GATB: variants seen among roughly 807,000 people sequenced by gnomAD.
GATB encodes the protein glutamyl-tRNA(Gln) amidotransferase subunit B, mitochondrial.
Under a neutral mutation model 62.3 loss-of-function variants are expected in GATB, and 39 were observed. The observed-to-expected ratio is 0.63, with a 90% CI of 0.48 to 0.82. GATB has a LOEUF of 0.82. GATB is among the 40% of genes least tolerant of loss of function. The pLI, the probability that GATB is intolerant of heterozygous loss-of-function variation, is 0.00. For missense variants in GATB, 670 were observed against 684.0 expected, an observed-to-expected ratio of 0.98 and a Z score of 0.23; for synonymous variants, 276 against 258.9, an observed-to-expected ratio of 1.07 and a Z score of -0.63.
At chr4:151,721,880 CACAAGCGCA>C (rs1739038710) in intron 2 of GATB, 1 of 350,186 alleles carries the variant, frequency 2.9e-6, no homozygotes, top group Admixed American at 4.8e-5. Flanking sequence ...TCCGTGTGCA[CACAAGCGCA>C]CGGGCACTTC....
chr4:151,717,170 C>T, intron 3 of GATB, 96 bp from the exon 4 acceptor site: 2 of 1,178,788 alleles, frequency 1.7e-6, no homozygotes, highest in Non-Finnish European at 2.5e-6. Flanking sequence ...CAACGACAGG[C>T]CTACTTAAAG....
chr4:151,684,232 G>A (rs375277081), intron 10 of GATB, among the ~76,000 whole-genome samples: 1 of 152,224 alleles, frequency 6.6e-6, no homozygotes, highest in Non-Finnish European at 1.5e-5. Flanking sequence ...CACTCAACTG[G>A]CTTGGACAGC....
At chr4:151,681,616 G>A (rs1190666861) in intron 10 of GATB, among the ~76,000 whole-genome samples, 4 of 152,182 alleles carry the variant, frequency 2.6e-5, no homozygotes, top group South Asian at 4.1e-4. Flanking sequence ...TTTCTTGAGC[G>A]TGCAAAAGAT....
chr4:151,703,506 T>C (rs1296913897), intron 8 of GATB: 1 of 301,236 alleles, frequency 3.3e-6, no homozygotes, highest in Non-Finnish European at 6.2e-6. Context: ...AGCGTATTAC[T>C]GAATCAGTTA....
chr4:151,725,206 A>G (rs148013816), intron 2 of GATB, among the ~76,000 whole-genome samples: 2 of 152,348 alleles, frequency 1.3e-5, no homozygotes, highest in African/African-American at 4.8e-5. Context: ...AGCAAAGGCG[A>G]AATACCCTCT....
intron 2 of GATB, among the ~76,000 whole-genome samples, chr4:151,732,496 T>C (rs1437474173): frequency 3.9e-5 from 6 of 152,056 alleles, no homozygotes; most frequent in African/African-American, 1.4e-4. Flanking sequence ...AGATGTGCTT[T>C]GTTAAACAGA....
intron 2 of GATB, among the ~76,000 whole-genome samples, chr4:151,748,196 G>A (rs548603922): frequency 7.2e-5 from 11 of 152,176 alleles, no homozygotes; most frequent in Non-Finnish European, 1.0e-4. Context: ...AAAAGAGCCC[G>A]CATTGCCAAG....
chr4:151,753,480 C>A (rs1313784054), intron 2 of GATB, among the ~76,000 whole-genome samples: 2 of 152,182 alleles, frequency 1.3e-5, no homozygotes, highest in African/African-American at 4.8e-5. Context: ...CTCTCTCACA[C>A]ACTCTTGTCT....
chr4:151,700,657 C>T (rs1004459714), intron 9 of GATB, among the ~76,000 whole-genome samples: 3 of 152,138 alleles, frequency 2.0e-5, no homozygotes, highest in Non-Finnish European at 2.9e-5. Flanking sequence ...TAACAGACGA[C>T]GACAACGGTG....
At chr4:151,754,735 T>TA (rs1413635961) in intron 2 of GATB, among the ~76,000 whole-genome samples, 1 of 152,180 alleles carries the variant, frequency 6.6e-6, no homozygotes, top group East Asian at 1.9e-4. Context: ...AAAAAGCTCA[T>TA]AAGCCTTCTT....
At chr4:151,688,530 A>T in intron 10 of GATB, 100 bp downstream of exon 10, 1 of 1,138,162 alleles carries the variant, frequency 8.8e-7, no homozygotes. Flanking sequence ...GGATATCCTG[A>T]GGGAGAACAG....
chr4:151,717,482 T>C (rs115462110), intron 3 of GATB, among the ~76,000 whole-genome samples: 1,929 of 152,304 alleles, frequency 0.013, 40 homozygotes, highest in African/African-American at 0.044. Context: ...CCTCCTTATT[T>C]GGAATGCTGG....
Position 151,716,864 on chromosome 4 carries a change from C to T in GATB, c.640+12G>A, listed in dbSNP as rs1163818826. On this transcript the variant is annotated intron_variant, in intron 4 of 12. Coordinates refer to ENST00000263985, the MANE Select transcript of GATB (RefSeq NM_004564.3). ...GTAGGAAGGAGAAATAATGAAAACA[C>T]TCCAAGCCTACCTGCCCTGTTCAAA... is the stretch of plus-strand genomic sequence containing the variant. 17 of 1,613,436 alleles carry T rather than the reference C, an allele frequency of 1.1e-5. No homozygotes were observed. Among genetic ancestry groups the T allele is most frequent in the East Asian group, 2.2e-5 (1 of 44,894 alleles).
At chr4:151,728,431 A>G (rs1396044062) in intron 2 of GATB, among the ~76,000 whole-genome samples, 3 of 152,256 alleles carry the variant, frequency 2.0e-5, no homozygotes, top group Non-Finnish European at 4.4e-5. Context: ...TTCTTTTTGA[A>G]TACAACTTTA....
intron 2 of GATB, chr4:151,722,292 C>A (rs1332612344): frequency 1.0e-5 from 7 of 688,480 alleles, no homozygotes; most frequent in Non-Finnish European, 1.6e-5. Context: ...TCTGTCTCTG[C>A]CCTCAATGAA....
chr4:151,757,972 C>T (rs1191949305), intron 2 of GATB, among the ~76,000 whole-genome samples: 1 of 152,116 alleles, frequency 6.6e-6, no homozygotes, highest in East Asian at 1.9e-4. Context: ...TACTTGTTCC[C>T]TTCATACTTT....
At chr4:151,700,877 T>C (rs1048540671) in intron 9 of GATB, among the ~76,000 whole-genome samples, 1 of 152,226 alleles carries the variant, frequency 6.6e-6, no homozygotes, top group Non-Finnish European at 1.5e-5. Context: ...GTGGAATAAA[T>C]GTTTTCTTCT....
chr4:151,687,260 G>A (rs945720361), intron 10 of GATB, among the ~76,000 whole-genome samples: 4 of 152,190 alleles, frequency 2.6e-5, no homozygotes, highest in Non-Finnish European at 5.9e-5. Context: ...GGTTAGCCCC[G>A]TGGGGGTGAT....
intron 2 of GATB, among the ~76,000 whole-genome samples, chr4:151,757,852 T>C (rs538270580): frequency 6.8e-4 from 103 of 152,238 alleles, no homozygotes; most frequent in Middle Eastern, 3.4e-3. Context: ...TCTCCCCACC[T>C]TTGTCACCAC....
Sources: gnomAD v4.1 joint callset for allele counts (sites outside exome capture counted in the v4.1 genomes callset) on GRCh38, gnomAD v4.1.1 for gene constraint, MANE v1.5 for transcripts, NCBI Gene and HGNC (gene_info 2026-07-23, HGNC 2026-07-21) for gene names.